Variants in CACNA1D observed in about 807,000 individuals in gnomAD.
The protein encoded by CACNA1D is calcium voltage-gated channel subunit alpha1 D, also known as voltage-dependent L-type calcium channel subunit alpha-1D.
CACNA1D carries 55 observed loss-of-function variants against 257.1 expected under a neutral mutation model. That is an observed-to-expected ratio of 0.21 (90% CI 0.17 to 0.27). CACNA1D has a LOEUF of 0.27. Ranked by LOEUF, CACNA1D falls within the 10% of genes least tolerant of loss-of-function variation. The pLI, the probability that CACNA1D is intolerant of heterozygous loss-of-function variation, is 1.00. For synonymous variants in CACNA1D, 980 were observed against 1,014.9 expected, an observed-to-expected ratio of 0.97 and a Z score of 0.65; for missense variants, 1,876 against 2,784.0, an observed-to-expected ratio of 0.67 and a Z score of 7.34.
At chr3:53,626,111 C>T (rs2093755473) in intron 3 of CACNA1D, among the ~76,000 whole-genome samples, 1 of 152,194 alleles carries the variant, frequency 6.6e-6, no homozygotes, top group East Asian at 1.9e-4. Flanking sequence ...TTGCACCTTA[C>T]TCTGTACTTT....
intron 44 of CACNA1D, 118 bp from the exon 45 acceptor site, chr3:53,804,865 G>A: frequency 1.0e-6 from 1 of 988,018 alleles, no homozygotes; most frequent in Non-Finnish European, 1.6e-6. Context: ...CTTGTTCTCA[G>A]CCAATCCTAC....
At chr3:53,707,528 T>G (rs975108736) in intron 9 of CACNA1D, among the ~76,000 whole-genome samples, 9 of 152,218 alleles carry the variant, frequency 5.9e-5, no homozygotes, top group Admixed American at 1.3e-4. Flanking sequence ...ATAAATTTGC[T>G]ATTAGAAAGC....
intron 3 of CACNA1D, among the ~76,000 whole-genome samples, chr3:53,589,957 C>T (rs752578282): frequency 2.2e-4 from 34 of 152,238 alleles, no homozygotes; most frequent in Admixed American, 5.2e-4. Flanking sequence ...TTCTCTCTGG[C>T]CTGCCTGCTC....
chr3:53,650,632 A>G, intron 3 of CACNA1D, 147 bp from the exon 4 acceptor site: 4 of 816,514 alleles, frequency 4.9e-6, no homozygotes, highest in Non-Finnish European at 8.1e-6. Flanking sequence ...GGGGCAGTGT[A>G]ATTGTTCCAT....
chr3:53,546,048 T>C (rs556405110), intron 3 of CACNA1D, among the ~76,000 whole-genome samples: 73 of 152,104 alleles, frequency 4.8e-4, no homozygotes, highest in African/African-American at 1.6e-3. Flanking sequence ...CTAAGGCTCG[T>C]GGATGGGGGA....
At chr3:53,509,018 C>G (rs1485852749) in intron 3 of CACNA1D, among the ~76,000 whole-genome samples, 1 of 152,098 alleles carries the variant, frequency 6.6e-6, no homozygotes, top group African/African-American at 2.4e-5. Flanking sequence ...TGTTAGCATC[C>G]CCACCATGCA....
chr3:53,536,099 G>T (rs944467252), intron 3 of CACNA1D, among the ~76,000 whole-genome samples: 1 of 152,174 alleles, frequency 6.6e-6, no homozygotes, highest in African/African-American at 2.4e-5. Context: ...CCATGTTTGT[G>T]CTTCTGTGGA....
chr3:53,641,292 G>C (rs2093947217), intron 3 of CACNA1D, among the ~76,000 whole-genome samples: 1 of 152,160 alleles, frequency 6.6e-6, no homozygotes, highest in Admixed American at 6.5e-5. Context: ...AGCCTTCCCA[G>C]ATGCTCCGGA....
At chr3:53,581,299 C>A (rs1013481803) in intron 3 of CACNA1D, among the ~76,000 whole-genome samples, 2 of 152,164 alleles carry the variant, frequency 1.3e-5, no homozygotes, top group Non-Finnish European at 1.5e-5. Flanking sequence ...TAAAGAAATA[C>A]ATTGTTAATG....
intron 3 of CACNA1D, among the ~76,000 whole-genome samples, chr3:53,542,921 G>A (rs1054209255): frequency 8.6e-5 from 13 of 151,814 alleles, no homozygotes; most frequent in Admixed American, 3.3e-4. Context: ...GCGTGGTGGC[G>A]CATGCCTGTA....
chr3:53,497,871 CTGTT>C (rs2090419212), intron 2 of CACNA1D, among the ~76,000 whole-genome samples: 1 of 152,132 alleles, frequency 6.6e-6, no homozygotes, highest in Non-Finnish European at 1.5e-5. Context: ...GTATAAGACT[CTGTT>C]TGAAGGGAAT....
At chr3:53,611,121 G>A (rs375052999) in intron 3 of CACNA1D, among the ~76,000 whole-genome samples, 6 of 152,304 alleles carry the variant, frequency 3.9e-5, no homozygotes, top group African/African-American at 1.4e-4. Flanking sequence ...GCTCATGCCT[G>A]CAATCCCAGC....
Position 53,723,287 on chromosome 3 carries a change from T to C in CACNA1D, c.1667-147T>C. 1.4e-6 allele frequency: 1 copy of C among 714,656 alleles called. No homozygotes were observed. 44.3% of individuals were successfully genotyped at this position (714,656 alleles called of 1,614,324 possible). Reference sequence around the variant, plus strand: ...ACAGACTGTCCACGCGAAGGCCACGTTTCTGTCCTGAGTGAGGTAGTGAAG... The same window carrying C: ...ACAGACTGTCCACGCGAAGGCCACGCTTCTGTCCTGAGTGAGGTAGTGAAG... On this transcript the variant is annotated intron_variant, in intron 12 of 47. Transcript: ENST00000350061. This position sits in a 1 kb window ranked among gnomAD's most constrained non-coding sequence, Gnocchi z 5.6.
rs190389790 is a variant in CACNA1D at position 53,783,908 on chromosome 3, G to A, written c.4792+2241G>A. ...ACCATCACCTGGTCAAGAAGCAGGA[G>A]ACTGAGTAAGGCCAGCCTCCACTCC... On this transcript the variant is annotated intron_variant, in intron 39 of 47. Transcript: ENST00000350061. 3.7e-4 allele frequency among the ~76,000 whole-genome samples: 56 copies of A among 152,352 alleles called. No homozygotes were observed. The East Asian group carries it at 9.5e-3, about 26-fold the overall frequency.
At chr3:53,754,840 C>T (rs2095252656) in intron 29 of CACNA1D, among the ~76,000 whole-genome samples, 1 of 152,192 alleles carries the variant, frequency 6.6e-6, no homozygotes, top group African/African-American at 2.4e-5. Context: ...TCACATACTC[C>T]ATAGTTACAT....
At chr3:53,721,475 C>T (rs138260407) in intron 11 of CACNA1D, among the ~76,000 whole-genome samples, 7 of 152,308 alleles carry the variant, frequency 4.6e-5, no homozygotes, top group African/African-American at 1.4e-4. Context: ...TGAGCTGCAG[C>T]TCATGGCACA....
At chr3:53,677,868 C>T (rs2094391749) in intron 8 of CACNA1D, among the ~76,000 whole-genome samples, 1 of 152,218 alleles carries the variant, frequency 6.6e-6, no homozygotes, top group African/African-American at 2.4e-5. Context: ...GGGCAAGTTA[C>T]TTACCTCTTT....
chr3:53,592,708 G>GTT (rs111929661), intron 3 of CACNA1D, among the ~76,000 whole-genome samples: 21 of 144,176 alleles, frequency 1.5e-4, no homozygotes, highest in African/African-American at 4.0e-4. Flanking sequence ...CCCTAGTTCT[G>GTT]TTTTTTTTTT....
chr3:53,522,175 G>A (rs1421591456), intron 3 of CACNA1D, among the ~76,000 whole-genome samples: 1 of 152,042 alleles, frequency 6.6e-6, no homozygotes, highest in Admixed American at 6.5e-5. Flanking sequence ...TTTATATATG[G>A]CCACCGTATT....
Sources: allele counts gnomAD v4.1 joint callset (sites outside exome capture counted in the v4.1 genomes callset), GRCh38; gene constraint gnomAD v4.1.1; non-coding constraint Gnocchi (gnomAD v3.1); transcripts MANE v1.5; gene names NCBI Gene and HGNC (gene_info 2026-07-23, HGNC 2026-07-21).